ANGPT1: variants seen among roughly 807,000 people sequenced by gnomAD.
The protein encoded by ANGPT1 is angiopoietin 1.
In ANGPT1, 17 loss-of-function variants were observed where a neutral mutation model predicts 62.2. The ratio of observed to expected loss-of-function variants is 0.27; its 90% confidence interval spans 0.19 to 0.41. The LOEUF (loss-of-function observed/expected upper bound fraction) is 0.41. Ranked by LOEUF, ANGPT1 falls within the 10% of genes least tolerant of loss-of-function variation. The probability of loss-of-function intolerance (pLI) is 1.00; values close to 1 mark genes in which losing one functional copy is unlikely to be tolerated. For synonymous variants in ANGPT1, 199 were observed against 198.9 expected, an observed-to-expected ratio of 1.00 and a Z score of 0.00; for missense variants, 478 against 594.9, an observed-to-expected ratio of 0.80 and a Z score of 2.04.
chr8:107,256,735 A>C (rs943870022), intron 8 of ANGPT1, among the ~76,000 whole-genome samples: 6 of 152,236 alleles, frequency 3.9e-5, no homozygotes, highest in Non-Finnish European at 7.3e-5. Context: ...AGGCACTTCA[A>C]GCCTGAAAGA....
intron 4 of ANGPT1, among the ~76,000 whole-genome samples, chr8:107,320,769 G>A (rs1289218367): frequency 6.6e-6 from 1 of 152,070 alleles, no homozygotes; most frequent in Non-Finnish European, 1.5e-5. Flanking sequence ...GTGTAATAGA[G>A]AAATATGAAA....
At chr8:107,290,617 T>G (rs79816205) in intron 6 of ANGPT1, among the ~76,000 whole-genome samples, 2 of 152,214 alleles carry the variant, frequency 1.3e-5, no homozygotes, top group Admixed American at 1.3e-4. Context: ...TTGTAACATA[T>G]GATGAATATT....
intron 7 of ANGPT1, among the ~76,000 whole-genome samples, chr8:107,283,176 G>A (rs1366404443): frequency 1.3e-5 from 2 of 152,142 alleles, no homozygotes; most frequent in Non-Finnish European, 2.9e-5. Flanking sequence ...CAAGTTTCAG[G>A]TCAAAACATT....
At chr8:107,400,927 C>T (rs149106395) in intron 1 of ANGPT1, among the ~76,000 whole-genome samples, 10 of 152,130 alleles carry the variant, frequency 6.6e-5, no homozygotes, top group African/African-American at 1.7e-4. Context: ...AATGGCTTAT[C>T]GGCTTATCTT....
intron 4 of ANGPT1, among the ~76,000 whole-genome samples, chr8:107,309,578 C>T (rs1008925186): frequency 2.6e-5 from 4 of 152,074 alleles, no homozygotes; most frequent in Non-Finnish European, 4.4e-5. Context: ...AAAAGATTTC[C>T]AGGCAGTCCA....
chr8:107,439,622 T>A (rs1220367144), intron 1 of ANGPT1, among the ~76,000 whole-genome samples: 4 of 152,200 alleles, frequency 2.6e-5, no homozygotes, highest in African/African-American at 7.2e-5. Context: ...GAGACAGAAC[T>A]TACATAAGTA....
chr8:107,262,941 T>C (rs1166615622), intron 8 of ANGPT1, among the ~76,000 whole-genome samples: 2 of 152,228 alleles, frequency 1.3e-5, no homozygotes, highest in Non-Finnish European at 2.9e-5. Context: ...TATTAATATG[T>C]AACAATTTTT....
intron 4 of ANGPT1, among the ~76,000 whole-genome samples, chr8:107,306,105 T>A (rs1814708431): frequency 6.6e-6 from 1 of 152,048 alleles, no homozygotes; most frequent in Non-Finnish European, 1.5e-5. Flanking sequence ...AGAATGGTAG[T>A]TGTTATGGTA....
chr8:107,300,390 T>C (rs1814558801), intron 5 of ANGPT1, among the ~76,000 whole-genome samples: 1 of 151,634 alleles, frequency 6.6e-6, no homozygotes, highest in Non-Finnish European at 1.5e-5. Flanking sequence ...TACCCATCTT[T>C]ATTATAGAAC....
chr8:107,464,788 C>T (rs1179997144), intron 1 of ANGPT1, among the ~76,000 whole-genome samples: 2 of 151,918 alleles, frequency 1.3e-5, no homozygotes, highest in Non-Finnish European at 2.9e-5. Flanking sequence ...CATAAGTATT[C>T]GATAAATTCT....
In ANGPT1 at chr8:107,497,501, T is replaced by C; in HGVS notation, c.58A>G (p.Ser20Gly). The C allele has an allele frequency of 6.2e-7, 1 of 1,614,168 alleles. No homozygotes were observed. Among genetic ancestry groups the C allele is most frequent in the Non-Finnish European group, 8.5e-7 (1 of 1,180,028 alleles). ...LAAILTHIGC[S>G]NQRRSPENSG... ...TTTTCTGGACTTCGGCGCTGATTGC[T>C]GCACCCTATGTGAGTCAGAATGGCA... The change falls in exon 1 of 9, where the codon AGC becomes GGC. Residue 20 changes from serine to glycine, a missense_variant. Transcript: ENST00000517746.
At chr8:107,420,096 C>G (rs1810858654) in intron 1 of ANGPT1, among the ~76,000 whole-genome samples, 1 of 152,132 alleles carries the variant, frequency 6.6e-6, no homozygotes, top group South Asian at 2.1e-4. Context: ...TTTAGGATTT[C>G]TATAATTGAT....
At chr8:107,418,141 AGAGAAAGTT>A (rs1415848348) in intron 1 of ANGPT1, among the ~76,000 whole-genome samples, 1 of 152,198 alleles carries the variant, frequency 6.6e-6, no homozygotes, top group Non-Finnish European at 1.5e-5. Context: ...TTTCTAACGT[AGAGAAAGTT>A]TAGACTTTTT....
chr8:107,288,892 C>T (rs1299027229), intron 6 of ANGPT1, among the ~76,000 whole-genome samples: 1 of 152,016 alleles, frequency 6.6e-6, no homozygotes, highest in African/African-American at 2.4e-5. Context: ...TAACAGTTTA[C>T]CACAGGTCTT....
At chr8:107,456,432 C>T (rs1004466930) in intron 1 of ANGPT1, among the ~76,000 whole-genome samples, 2 of 151,984 alleles carry the variant, frequency 1.3e-5, no homozygotes, top group Admixed American at 6.6e-5. Context: ...AGGTCATAAG[C>T]GTTTTGACTT....
intron 4 of ANGPT1, among the ~76,000 whole-genome samples, chr8:107,310,480 C>T (rs1814822926): frequency 1.3e-5 from 2 of 152,180 alleles, no homozygotes; most frequent in African/African-American, 4.8e-5. Flanking sequence ...GACAAGAGCA[C>T]ACCCAAGGTC....
chr8:107,336,106 A>G, intron 3 of ANGPT1, 44 bp downstream of exon 3: 2 of 1,547,548 alleles, frequency 1.3e-6, no homozygotes, highest in Non-Finnish European at 1.7e-6. Flanking sequence ...GAAGGATATA[A>G]ATAAGTACAC....
chr8:107,469,865 A>G (rs1038299875), intron 1 of ANGPT1, among the ~76,000 whole-genome samples: 3 of 152,096 alleles, frequency 2.0e-5, no homozygotes, highest in Admixed American at 1.3e-4. Flanking sequence ...AATTGACATC[A>G]GACAATATGG....
At position 107,497,603 on chromosome 8, in the gene ANGPT1, C is replaced by G. The variant is rs1249420599; in HGVS notation, c.-45G>C. On this transcript the variant is annotated 5_prime_UTR_variant, in exon 1 of 9. Transcript: ENST00000517746. ...TTCCGTGCCTCTCGCAAAACTTGCT[C>G]CTTTCTTCTGACCTCTAAAACTAGT... The G allele has an allele frequency of 6.3e-7, 1 of 1,575,536 alleles. No individual in the cohort carries two copies.
Sources: allele counts gnomAD v4.1 joint callset (sites outside exome capture counted in the v4.1 genomes callset), GRCh38; gene constraint gnomAD v4.1.1; transcripts MANE v1.5; gene names NCBI Gene and HGNC (gene_info 2026-07-23, HGNC 2026-07-21).